CTR9: variants seen among roughly 807,000 people sequenced by gnomAD.
CTR9 encodes CTR9 component of Paf1/RNA polymerase II complex.
In CTR9, 41 loss-of-function variants were observed where a neutral mutation model predicts 152.1. That is an observed-to-expected ratio of 0.27 (90% confidence interval 0.21 to 0.35). The LOEUF is 0.35. CTR9 is among the 10% of genes least tolerant of loss of function. CTR9 has a pLI of 1.00. For synonymous variants in CTR9, 476 were observed against 496.2 expected, an observed-to-expected ratio of 0.96 and a Z score of 0.54; for missense variants, 917 against 1,424.4, an observed-to-expected ratio of 0.64 and a Z score of 5.73.
At chr11:10,766,065 G>T (rs1396282291) in intron 12 of CTR9, among the ~76,000 whole-genome samples, 1 of 152,130 alleles carries the variant, frequency 6.6e-6, no homozygotes, top group Non-Finnish European at 1.5e-5. Context: ...TTTAAAAAAA[G>T]GTAACTGACA....
chr11:10,778,774 A>G lies in CTR9; in HGVS notation c.3191A>G (p.Asn1064Ser), dbSNP rs566660277. Residue 1064 changes from asparagine (N) to serine (S), a missense_variant, in exon 25 of 25, where the codon AAC (asparagine) becomes AGC (serine). Asn to Ser is a conservative substitution (Grantham distance 46). Coordinates refer to ENST00000361367, the MANE Select transcript of CTR9 (RefSeq NM_014633.5). ...SSESDSDENQ[N>S]KSGSEAGSPR... Reference sequence around the variant, plus strand: ...GAGAGTGATTCCGATGAGAACCAGAACAAGTCTGGCAGCGAGGCCGGCAGT... The same window carrying G: ...GAGAGTGATTCCGATGAGAACCAGAGCAAGTCTGGCAGCGAGGCCGGCAGT... 1.2e-6 allele frequency: 2 copies of G among 1,614,220 alleles called. No individual in the cohort carries two copies. Among genetic ancestry groups the G allele is most frequent in the South Asian group, 1.1e-5 (1 of 91,080 alleles).
At chr11:10,762,429 A>G (rs765086513) in intron 7 of CTR9, among the ~76,000 whole-genome samples, 6 of 152,208 alleles carry the variant, frequency 3.9e-5, no homozygotes, top group Non-Finnish European at 7.3e-5. Context: ...GGCTTAGGTG[A>G]ATTTTCACCA....
intron 12 of CTR9, 49 bp from the exon 13 acceptor site, chr11:10,766,353 C>T: frequency 7.3e-7 from 1 of 1,371,610 alleles, no homozygotes; most frequent in Non-Finnish European, 1.0e-6. Context: ...AAATTATGAT[C>T]CTTTATAGCT....
In CTR9 at chr11:10,751,421, G is replaced by A. The variant is rs1164238023; in HGVS notation, c.9G>A (p.Arg3=). Residue 3 remains arginine, a synonymous_variant, in exon 1 of 25, where the codon CGG becomes CGA. Coordinates refer to ENST00000361367, the MANE Select transcript of CTR9 (RefSeq NM_014633.5). MS[R]GSIEIPLRDT... ...CGCCTTTTGACCCCATCATGTCGCG[G>A]GGCTCCATCGAGATTCCCCTCCGGG... 6.2e-7 allele frequency: 1 copy of A among 1,613,590 alleles called. No homozygotes were observed. Among genetic ancestry groups the A allele is most frequent in the Non-Finnish European group, 8.5e-7 (1 of 1,180,004 alleles).
chr11:10,771,045 GAACTAGGATT>G (rs1863135665), intron 18 of CTR9, among the ~76,000 whole-genome samples: 1 of 152,100 alleles, frequency 6.6e-6, no homozygotes, highest in African/African-American at 2.4e-5. Context: ...GATTTTCATT[GAACTAGGATT>G]AAGGTTTTAC....
At chr11:10,751,499 T>G in intron 1 of CTR9, 42 bp downstream of exon 1, 1 of 1,594,176 alleles carries the variant, frequency 6.3e-7, no homozygotes, top group Non-Finnish European at 8.6e-7. Flanking sequence ...CATGAACTTG[T>G]ACGATCGCCC....
rs770962067 is a variant in CTR9 at position 10,768,454 on chromosome 11, A to T, written c.2072A>T (p.Tyr691Phe). 1 of 1,612,976 alleles carries T rather than the reference A, an allele frequency of 6.2e-7. No homozygotes were observed. The change falls in exon 16 of 25, where the codon TAT becomes TTT. Residue 691 changes from tyrosine to phenylalanine, a missense_variant. Tyr to Phe is a conservative substitution (Grantham distance 22, BLOSUM62 3). Coordinates refer to ENST00000361367, the MANE Select transcript of CTR9 (RefSeq NM_014633.5). ...SDVWLNLAHI[Y>F]VEQKQYISAV... is the part of the protein sequence containing the mutation. The stretch of plus-strand genomic sequence containing the variant: ...GTGTGGCTGAACTTAGCACACATCT[A>T]TGTGGAGCAAAAGCAGTACATCAGC...
Position 10,764,172 on chromosome 11 carries a change from G to A in CTR9, c.1255G>A (p.Ala419Thr), listed in dbSNP as rs2135368961. Residue 419 changes from alanine (A) to threonine (T), a missense_variant, in exon 10 of 25, where the codon GCA becomes ACA. This residue lies in a region of CTR9 where 133 missense variants were observed against 244.1 expected (regional missense o/e 0.54). Transcript: ENST00000361367. ...PDDVEAWIEL[A>T]QILEQTDIQG... ...TGATGTTGAAGCTTGGATTGAATTG[G>A]CACAAATCTTAGAACAGACTGATAT... 1.2e-6 allele frequency: 2 copies of A among 1,614,084 alleles called. No individual in the cohort carries two copies. The highest frequency in any genetic ancestry group is 1.7e-6 in the Non-Finnish European group (2 of 1,179,978).
At chr11:10,754,174 A>G (rs910955851) in intron 2 of CTR9, among the ~76,000 whole-genome samples, 3 of 152,170 alleles carry the variant, frequency 2.0e-5, no homozygotes, top group Admixed American at 1.3e-4. Flanking sequence ...CCTAGTGGAT[A>G]TTTCTTTTAT....
Position 10,761,856 on chromosome 11 carries a change from A to G in CTR9, c.742-91A>G, listed in dbSNP as rs140980696. On this transcript the variant is annotated intron_variant, in intron 6 of 24. Transcript: ENST00000361367. ...GTTTTAGTGTCTGATCTTAGGATTT[A>G]TAACTTATTTCTTGTGACTAAAGAA... is the stretch of plus-strand genomic sequence containing the variant. The G allele has an allele frequency of 1.5e-3, 1,132 of 737,474 alleles. 3 individuals are homozygous for G. The highest frequency in any genetic ancestry group is 2.1e-3 in the Non-Finnish European group (935 of 449,372). 45.7% of individuals were successfully genotyped at this position (737,474 alleles called of 1,614,324 possible). A position where few individuals can be genotyped will look rare whatever the true frequency, so the allele number is the denominator to read the frequency against.
chr11:10,752,636 T>C, intron 1 of CTR9, 36 bp from the exon 2 acceptor site: 1 of 1,419,746 alleles, frequency 7.0e-7, no homozygotes, highest in Non-Finnish European at 9.9e-7. Context: ...AATTTTAAAG[T>C]GGAATAAGAG....
At chr11:10,770,062 C>T in intron 16 of CTR9, 148 bp from the exon 17 acceptor site, 1 of 548,088 alleles carries the variant, frequency 1.8e-6, no homozygotes, top group Non-Finnish European at 3.2e-6. Flanking sequence ...TGTCAAAAAT[C>T]ATTCCCCAAA....
chr11:10,767,853 A>G lies in CTR9; in HGVS notation c.1734A>G (p.Lys578=), dbSNP rs1294910212. 1.9e-6 allele frequency: 3 copies of G among 1,614,136 alleles called. No individual in the cohort carries two copies. The highest frequency in any genetic ancestry group is 1.7e-5 in the Admixed American group (1 of 60,018). The change falls in exon 14 of 25, where the codon AAA becomes AAG. Residue 578 remains lysine (K), a synonymous_variant. Coordinates refer to ENST00000361367, the MANE Select transcript of CTR9 (RefSeq NM_014633.5). This position sits in a 1 kb window ranked among gnomAD's most constrained non-coding sequence, Gnocchi z 4.0. ...TGATTGGCAATCTTCATTTGGCAAAACAAGAATGGGGTCCTGGGCAGAAGA... is the reference window on the plus strand; with the variant it reads ...TGATTGGCAATCTTCATTTGGCAAAGCAAGAATGGGGTCCTGGGCAGAAGA... The part of the protein sequence containing the change: ...WSLIGNLHLA[K]QEWGPGQKKF...
rs1236559063 is a variant in CTR9 at position 10,756,599 on chromosome 11, T to TG, written c.503-149dup. On this transcript the variant is annotated intron_variant, in intron 4 of 24. Transcript: ENST00000361367. ...TTAGACATAAATTAGTATACTTTTA[T>TG]GAAAAACAAATTTTTAATATGAAAT... 1.1e-5 allele frequency: 6 copies of TG among 539,910 alleles called. No homozygotes were observed. The East Asian group carries it at 2.0e-4, about 18-fold the overall frequency. 33.4% of individuals were successfully genotyped at this position (539,910 alleles called of 1,614,324 possible). A position where few individuals can be genotyped will look rare whatever the true frequency, so the allele number is the denominator to read the frequency against.
intron 24 of CTR9, among the ~76,000 whole-genome samples, chr11:10,778,011 A>G (rs1185180763): frequency 6.6e-6 from 1 of 152,204 alleles, no homozygotes; most frequent in Non-Finnish European, 1.5e-5. Flanking sequence ...CATAAGCATG[A>G]CTTCCCCTTT....
chr11:10,772,794 T>A, intron 20 of CTR9, 139 bp downstream of exon 20: 1 of 888,148 alleles, frequency 1.1e-6, no homozygotes. Context: ...ATGAGGTGGG[T>A]GGAGGGCGGA....
rs555865055 is a variant in CTR9, at chr11:10,753,661, A to T, written c.144+891A>T. Among the ~76,000 whole-genome samples, 8 of 149,264 alleles carry T rather than the reference A, an allele frequency of 5.4e-5. No homozygotes were observed. The East Asian group carries it at 1.6e-3, about 29-fold the overall frequency. ...TCACACACATTTTTTTTAAAACCAGATGGTAATTTAGATGTATATATAATA... is the reference window on the plus strand; with the variant it reads ...TCACACACATTTTTTTTAAAACCAGTTGGTAATTTAGATGTATATATAATA... On this transcript the variant is annotated intron_variant, in intron 2 of 24. Transcript: ENST00000361367.
At chr11:10,775,331 T>C (rs753653610) in intron 23 of CTR9, 28 bp downstream of exon 23, 64 of 1,583,494 alleles carry the variant, frequency 4.0e-5, no homozygotes, top group Non-Finnish European at 5.5e-5. Context: ...TGTTTTTCTG[T>C]CCCCTAGTAG....
chr11:10,764,927 A>G (rs1191438487), intron 12 of CTR9, among the ~76,000 whole-genome samples, 196 bp downstream of exon 12: 1 of 152,206 alleles, frequency 6.6e-6, no homozygotes, highest in Admixed American at 6.5e-5. Flanking sequence ...ATAAGCAACT[A>G]AAACCAATTG....
Sources: gnomAD v4.1 joint callset for allele counts (sites outside exome capture counted in the v4.1 genomes callset) on GRCh38, gnomAD v4.1.1 for gene constraint, gnomAD v4.1.1 regional missense constraint, Gnocchi (gnomAD v3.1) non-coding constraint, MANE v1.5 for transcripts, NCBI Gene and HGNC (gene_info 2026-07-23, HGNC 2026-07-21) for gene names.